Variants in FAM107B observed in about 807,000 individuals in gnomAD.
The protein encoded by FAM107B is family with sequence similarity 107 member B.
Under a neutral mutation model 31.5 loss-of-function variants are expected in FAM107B, and 21 were observed. The ratio of observed to expected loss-of-function variants is 0.67; its 90% CI spans 0.47 to 0.96. The LOEUF (loss-of-function observed/expected upper bound fraction) is 0.96. Among genes scored for constraint, FAM107B ranks in the 40% least tolerant of loss-of-function variants. FAM107B has a pLI of 0.00. For missense variants in FAM107B, 452 were observed against 377.1 expected, an observed-to-expected ratio of 1.20 and a Z score of -1.64; for synonymous variants, 157 against 141.5, an observed-to-expected ratio of 1.11 and a Z score of -0.78.
intron 2 of FAM107B, chr10:14,652,604 G>A (rs1274333794): frequency 6.6e-6 from 1 of 152,192 alleles, no homozygotes. Flanking sequence ...AAAAATCCAT[G>A]TAAAGCACTT....
intron 2 of FAM107B, among the ~76,000 whole-genome samples, chr10:14,578,262 C>T (rs1441024368): frequency 1.3e-5 from 2 of 152,208 alleles, no homozygotes; most frequent in African/African-American, 4.8e-5. Flanking sequence ...GCCCTGGATG[C>T]TGGATCCTTC....
chr10:14,580,019 CAA>C (rs34296189), intron 2 of FAM107B, among the ~76,000 whole-genome samples: 237 of 139,158 alleles, frequency 1.7e-3, no homozygotes, highest in Middle Eastern at 3.5e-3. Flanking sequence ...GACTTCATTT[CAA>C]AAAAAAAAAA....
intron 1 of FAM107B, among the ~76,000 whole-genome samples, chr10:14,671,774 T>C (rs1490617064): frequency 6.6e-6 from 1 of 151,946 alleles, no homozygotes; most frequent in African/African-American, 2.4e-5. Context: ...CAATGCTTTC[T>C]TCTGTTGATA....
chr10:14,595,582 C>T (rs896458876), intron 2 of FAM107B, among the ~76,000 whole-genome samples: 8 of 152,152 alleles, frequency 5.3e-5, no homozygotes, highest in Middle Eastern at 3.4e-3. Context: ...TGCACCACCA[C>T]GCCTGGCTAA....
chr10:14,601,086 C>T (rs1216726525), intron 2 of FAM107B, among the ~76,000 whole-genome samples: 3 of 152,206 alleles, frequency 2.0e-5, no homozygotes, highest in Non-Finnish European at 4.4e-5. Flanking sequence ...AAATATCCTC[C>T]TCACCTGCCT....
chr10:14,660,828 C>T (rs1055390136), intron 2 of FAM107B, among the ~76,000 whole-genome samples: 1 of 152,108 alleles, frequency 6.6e-6, no homozygotes, highest in Non-Finnish European at 1.5e-5. Context: ...AAAAGGAACA[C>T]ATACCATGGA....
intron 1 of FAM107B, among the ~76,000 whole-genome samples, chr10:14,737,764 CTT>C (rs1491426229): frequency 8.6e-6 from 1 of 115,826 alleles, no homozygotes; most frequent in Non-Finnish European, 1.8e-5. Flanking sequence ...TGCGTGCACG[CTT>C]TCTCTCTCTC....
At chr10:14,761,101 A>G (rs983587490) in intron 1 of FAM107B, among the ~76,000 whole-genome samples, 3 of 152,106 alleles carry the variant, frequency 2.0e-5, no homozygotes, top group Admixed American at 1.3e-4. Context: ...AATCAGGAAC[A>G]CATAATTTCA....
intron 2 of FAM107B, among the ~76,000 whole-genome samples, chr10:14,567,532 G>A (rs753017007): frequency 3.9e-5 from 6 of 152,156 alleles, no homozygotes; most frequent in Non-Finnish European, 5.9e-5. Flanking sequence ...CAGAGATCAG[G>A]ATCATAGAGA....
At chr10:14,735,814 G>T (rs1053637411) in intron 1 of FAM107B, among the ~76,000 whole-genome samples, 3 of 152,170 alleles carry the variant, frequency 2.0e-5, no homozygotes, top group South Asian at 2.1e-4. Context: ...TCTACACTCC[G>T]TCTCTAGGAA....
At position 14,767,111 on chromosome 10, in the gene FAM107B, G is replaced by C. The variant is rs566360970; in HGVS notation, c.411+7142C>G. 1.1e-4 allele frequency among the ~76,000 whole-genome samples: 15 copies of C among 131,902 alleles called. No homozygotes were observed. The East Asian group carries it at 3.3e-3, about 29-fold the overall frequency. 86.5% of individuals were successfully genotyped at this position (131,902 alleles called of 152,430 possible). A position where few individuals can be genotyped will look rare whatever the true frequency, so the allele number is the denominator to read the frequency against. On this transcript the variant is annotated intron_variant, in intron 1 of 4. Coordinates refer to ENST00000181796, the MANE Select transcript of FAM107B (RefSeq NM_031453.4). ...AGAGAGAGAGAGAGACAGAGAGAGA[G>C]AGAGAGAGAGTTTCCCTCTGTCGCC...
intron 2 of FAM107B, among the ~76,000 whole-genome samples, chr10:14,620,069 G>A (rs1852967606): frequency 6.8e-6 from 1 of 147,518 alleles, no homozygotes; most frequent in Non-Finnish European, 1.5e-5. Context: ...CGCCAGGCTG[G>A]AGTGCAGTGG....
chr10:14,602,081 GCTTCGTTTGA>G (rs760219790), intron 2 of FAM107B, among the ~76,000 whole-genome samples: 19 of 152,188 alleles, frequency 1.2e-4, no homozygotes, highest in Non-Finnish European at 2.5e-4. Context: ...TCCTATTGGA[GCTTCGTTTGA>G]CTTTTGCAGA....
intron 2 of FAM107B, among the ~76,000 whole-genome samples, chr10:14,629,447 T>C (rs371745653): frequency 5.2e-4 from 4 of 7,622 alleles, no homozygotes; most frequent in African/African-American, 1.4e-3. Context: ...ATATATATAT[T>C]ATATATATAT....
chr10:14,614,356 G>A (rs1852799723), intron 2 of FAM107B, among the ~76,000 whole-genome samples: 1 of 151,958 alleles, frequency 6.6e-6, no homozygotes, highest in Non-Finnish European at 1.5e-5. Flanking sequence ...AGTGGTCGGG[G>A]AGCTGCTGGG....
intron 2 of FAM107B, among the ~76,000 whole-genome samples, chr10:14,531,614 G>C (rs929042429): frequency 6.6e-6 from 1 of 151,740 alleles, no homozygotes; most frequent in African/African-American, 2.4e-5. Context: ...GGCTAAGGTG[G>C]CTAGATCACT....
intron 1 of FAM107B, among the ~76,000 whole-genome samples, chr10:14,739,394 C>T (rs916697293): frequency 3.9e-5 from 6 of 152,118 alleles, no homozygotes; most frequent in Non-Finnish European, 8.8e-5. Flanking sequence ...GTAGGGCAGG[C>T]GCTGGGGACA....
At chr10:14,716,707 C>A (rs368390295) in intron 1 of FAM107B, among the ~76,000 whole-genome samples, 35 of 152,304 alleles carry the variant, frequency 2.3e-4, no homozygotes, top group African/African-American at 8.2e-4. Context: ...GGCTCCTCCT[C>A]AAGCACATCA....
At chr10:14,720,032 T>G (rs1048154425) in intron 1 of FAM107B, among the ~76,000 whole-genome samples, 1 of 152,106 alleles carries the variant, frequency 6.6e-6, no homozygotes, top group African/African-American at 2.4e-5. Flanking sequence ...AGGAAAGAGA[T>G]CTGGGCCTGA....
Sources: gnomAD v4.1 joint callset for allele counts (sites outside exome capture counted in the v4.1 genomes callset) on GRCh38, gnomAD v4.1.1 for gene constraint, MANE v1.5 for transcripts, NCBI Gene and HGNC (gene_info 2026-07-23, HGNC 2026-07-21) for gene names.